The following BPIFC variants were observed in gnomAD, a reference collection of about 807,000 sequenced individuals.
BPIFC encodes the protein BPI fold-containing family C protein.
BPIFC carries 60 observed loss-of-function variants against 57.6 expected under a neutral mutation model. The observed-to-expected ratio is 1.04, with a 90% CI of 0.85 to 1.29. The LOEUF is 1.29. Ranked by LOEUF, BPIFC falls within the 50% of genes most tolerant of loss-of-function variation. The pLI is 0.00. For synonymous variants in BPIFC, 243 were observed against 224.5 expected (o/e 1.08, Z -0.74); for missense variants, 581 against 600.5 (o/e 0.97, Z 0.34).
chr22:32,447,044 A>G lies in BPIFC; in HGVS notation c.374+168T>C, dbSNP rs77725664. Among the ~76,000 whole-genome samples, 532 of 152,354 alleles carry G rather than the reference A, an allele frequency of 3.5e-3. 3 individuals carry two copies. The highest frequency in any genetic ancestry group is 0.024 in the Middle Eastern group (7 of 294). ...AGAATGTTTTTCATCAAAACCCCCC[A>G]GTAGGATTTCCTAATTTAAGCCTCA... is the stretch of plus-strand genomic sequence containing the variant. On this transcript the variant is annotated intron_variant, in intron 5 of 16. Coordinates refer to ENST00000300399, the MANE Select transcript of BPIFC (RefSeq NM_174932.3).
intron 7 of BPIFC, 50 bp downstream of exon 7, chr22:32,445,585 A>G: frequency 6.9e-7 from 1 of 1,455,510 alleles, no homozygotes; most frequent in Non-Finnish European, 9.5e-7. Context: ...GGATGATAGA[A>G]CTTCTACTAA....
intron 13 of BPIFC, among the ~76,000 whole-genome samples, chr22:32,428,847 C>T (rs1247464006): frequency 2.6e-5 from 4 of 151,820 alleles, no homozygotes; most frequent in Admixed American, 2.0e-4. Flanking sequence ...TGTAGTGAGC[C>T]GAGATCGCAC....
intron 13 of BPIFC, among the ~76,000 whole-genome samples, chr22:32,424,753 C>CTCTTCT (rs1556036707): frequency 0.015 from 549 of 35,504 alleles, 107 homozygotes; most frequent in Non-Finnish European, 0.02. Flanking sequence ...CTTCTTCTTC[C>CTCTTCT]TCTTCTTCTT....
chr22:32,416,286 T>C (rs1225752160), intron 15 of BPIFC, among the ~76,000 whole-genome samples: 1 of 152,166 alleles, frequency 6.6e-6, no homozygotes, highest in Non-Finnish European at 1.5e-5. Flanking sequence ...TTTCACCATG[T>C]TGGCCAGGCG....
At chr22:32,454,587 C>T (rs2145964169) in intron 3 of BPIFC, among the ~76,000 whole-genome samples, 1 of 152,320 alleles carries the variant, frequency 6.6e-6, no homozygotes, top group African/African-American at 2.4e-5. Context: ...AGAACATTTA[C>T]TTTCACCCTT....
intron 5 of BPIFC, chr22:32,446,881 T>C (rs1568955732): frequency 1.2e-6 from 1 of 857,118 alleles, no homozygotes; most frequent in Non-Finnish European, 1.4e-6. Flanking sequence ...GTGTGTTGAA[T>C]GGCTGGCTCA....
intron 7 of BPIFC, among the ~76,000 whole-genome samples, chr22:32,443,121 G>A (rs1292373208): frequency 6.6e-6 from 1 of 152,056 alleles, no homozygotes; most frequent in South Asian, 2.1e-4. Context: ...ATCTCCTCTA[G>A]GAGCGGTTGC....
In BPIFC at chr22:32,423,577, G is replaced by GGGGTGTGTGTGTGT. The variant is rs1556036074; in HGVS notation, c.1218-4174_1218-4173insACACACACACACCC. Among the ~76,000 whole-genome samples, 954 of 143,252 alleles carry GGGGTGTGTGTGTGT rather than the reference G, an allele frequency of 6.7e-3. 14 individuals are homozygous for GGGGTGTGTGTGTGT. The highest frequency in any genetic ancestry group is 0.021 in the African/African-American group (794 of 37,448). 94.0% of individuals were successfully genotyped at this position (143,252 alleles called of 152,430 possible). ...TGCTTGGGAGGAGTTGTAGGGTGTG[G>GGGGTGTGTGTGTGT]GTGTGTGTGTGTGTGTGTGTGTGTG... is the stretch of plus-strand genomic sequence containing the variant. On this transcript the variant is annotated intron_variant, in intron 13 of 16. Coordinates refer to ENST00000300399, the MANE Select transcript of BPIFC (RefSeq NM_174932.3).
chr22:32,454,507 G>C (rs902731860), intron 3 of BPIFC, among the ~76,000 whole-genome samples: 1 of 152,130 alleles, frequency 6.6e-6, no homozygotes, highest in Non-Finnish European at 1.5e-5. Flanking sequence ...ACATTTCTCT[G>C]AGCTCATTGG....
chr22:32,424,693 C>CT (rs1475041890), intron 13 of BPIFC, among the ~76,000 whole-genome samples: 160 of 29,180 alleles, frequency 5.5e-3, no homozygotes, highest in South Asian at 0.015. Context: ...CTTCTTCTTC[C>CT]TCTTCTTCTT....
intron 7 of BPIFC, 130 bp from the exon 8 acceptor site, chr22:32,442,861 T>G: frequency 1.2e-6 from 1 of 845,654 alleles, no homozygotes; most frequent in Non-Finnish European, 1.8e-6. Flanking sequence ...CATCGAGACA[T>G]TCTCTTAAAT....
At chr22:32,442,770 A>G (rs1934601062) in intron 7 of BPIFC, 39 bp from the exon 8 acceptor site, 12 of 1,587,766 alleles carry the variant, frequency 7.6e-6, no homozygotes, top group African/African-American at 1.3e-5. Flanking sequence ...GCAAGTTACC[A>G]TGTTGTACTG....
chr22:32,461,483 G>A (rs569187194), intron 2 of BPIFC, 91 bp downstream of exon 2: 6 of 632,278 alleles, frequency 9.5e-6, no homozygotes, highest in African/African-American at 7.9e-5. Flanking sequence ...AGGAAATGTG[G>A]TGAGTGGGAT....
At chr22:32,418,713 T>A (rs1162669885) in intron 14 of BPIFC, among the ~76,000 whole-genome samples, 1 of 152,202 alleles carries the variant, frequency 6.6e-6, no homozygotes, top group Non-Finnish European at 1.5e-5. Flanking sequence ...GTGCTGCCCA[T>A]GAACTAGGCA....
intron 8 of BPIFC, 73 bp from the exon 9 acceptor site, chr22:32,437,924 T>A: frequency 1.3e-6 from 1 of 784,534 alleles, no homozygotes; most frequent in East Asian, 2.8e-5. Context: ...ATGATGTCTA[T>A]CTAGAACAAT....
chr22:32,445,267 G>C (rs1568954469), intron 7 of BPIFC, among the ~76,000 whole-genome samples: 3 of 152,216 alleles, frequency 2.0e-5, no homozygotes, highest in Non-Finnish European at 4.4e-5. Flanking sequence ...GCCAGGCGCG[G>C]TGGCTCATGC....
At position 32,437,869 on chromosome 22, in the gene BPIFC, A is replaced by G. The variant is rs1934453612; in HGVS notation, c.656-18T>C. The stretch of plus-strand genomic sequence containing the variant: ...GGTTAAAACTAAATAACCAACAAAG[A>G]AAAAAGAAAATCCATATTCATTAAA... On this transcript the variant is annotated intron_variant, in intron 8 of 16. Transcript: ENST00000300399. 6.7e-7 allele frequency: 1 copy of G among 1,499,716 alleles called. No individual in the cohort carries two copies. Among genetic ancestry groups the G allele is most frequent in the Non-Finnish European group, 9.3e-7 (1 of 1,080,034 alleles). 92.9% of individuals were successfully genotyped at this position (1,499,716 alleles called of 1,614,324 possible).
chr22:32,424,692 C>CT (rs1491454009), intron 13 of BPIFC, among the ~76,000 whole-genome samples: 8 of 57,020 alleles, frequency 1.4e-4, no homozygotes, highest in Non-Finnish European at 2.5e-4. Flanking sequence ...TCTTCTTCTT[C>CT]CTCTTCTTCT....
At chr22:32,429,119 C>T (rs1177416872) in intron 13 of BPIFC, among the ~76,000 whole-genome samples, 1 of 152,110 alleles carries the variant, frequency 6.6e-6, no homozygotes, top group African/African-American at 2.4e-5. Flanking sequence ...CAATTAACAG[C>T]TGTTGTGTTT....
Sources: allele counts gnomAD v4.1 joint callset (sites outside exome capture counted in the v4.1 genomes callset), GRCh38; gene constraint gnomAD v4.1.1; transcripts MANE v1.5; gene names NCBI Gene and HGNC (gene_info 2026-07-23, HGNC 2026-07-21).